Variants in ZNF592 observed in about 807,000 individuals in gnomAD.
The protein encoded by ZNF592 is zinc finger protein 592.
A neutral mutation model predicts 80.3 loss-of-function variants in ZNF592; 11 were observed. The observed-to-expected ratio is 0.14, with a 90% confidence interval of 0.09 to 0.23. The LOEUF is 0.23. Among genes scored for constraint, ZNF592 ranks in the 10% least tolerant of loss-of-function variants. ZNF592 has a pLI of 1.00. For missense variants in ZNF592, 1,420 were observed against 1,633.9 expected (o/e 0.87, Z 2.26); for synonymous variants, 646 against 640.3 (o/e 1.01, Z -0.13).
intron 1 of ZNF592, among the ~76,000 whole-genome samples, chr15:84,751,470 G>A (rs1899011413): frequency 6.6e-6 from 1 of 152,176 alleles, no homozygotes; most frequent in African/African-American, 2.4e-5. Flanking sequence ...TTGTGCCTCA[G>A]TTTGCTCACA....
At position 84,764,694 on chromosome 15, in the gene ZNF592, C is replaced by G; in HGVS notation, c.-258-13C>G. 1 of 398,818 alleles carries G rather than the reference C, an allele frequency of 2.5e-6. No homozygotes were observed. Among genetic ancestry groups the G allele is most frequent in the Non-Finnish European group, 4.4e-6 (1 of 225,982 alleles). The allele number at this position is 398,818 out of a possible 1,614,324, so 24.7% of individuals were successfully genotyped here. A position where few individuals can be genotyped will look rare whatever the true frequency, so the allele number is the denominator to read the frequency against. On this transcript the variant is annotated splice_polypyrimidine_tract_variant and intron_variant, in intron 1 of 10. Coordinates refer to ENST00000560079, the MANE Select transcript of ZNF592 (RefSeq NM_014630.3). The stretch of plus-strand genomic sequence containing the variant: ...CCCACTTAAAAAAAATTTTGTTTTT[C>G]TTCTTTCCTTAGGTGGTGTTTGGAC...
At chr15:84,796,772 G>A (rs1962932610) in intron 5 of ZNF592, among the ~76,000 whole-genome samples, 1 of 151,950 alleles carries the variant, frequency 6.6e-6, no homozygotes, top group Non-Finnish European at 1.5e-5. Context: ...AAAATGAAAA[G>A]TTATCCCCAT....
At position 84,782,853 on chromosome 15, in the gene ZNF592, G is replaced by GC; in HGVS notation, c.183dup (p.Asp62ArgfsTer19). The GC allele has an allele frequency of 6.2e-7, 1 of 1,614,150 alleles. No homozygotes were observed. The highest frequency in any genetic ancestry group is 8.5e-7 in the Non-Finnish European group (1 of 1,180,034). ...TGTGTCCTTGTCTCACTCAGGATCA[G>GC]CCCCCGATGTGCCGGCCGTGAGTGT... is the stretch of plus-strand genomic sequence containing the variant. On this transcript the variant is annotated frameshift_variant, in exon 4 of 11. Transcript: ENST00000560079. LOFTEE classifies it high-confidence loss of function.
chr15:84,785,500 C>T (rs1962564477), intron 4 of ZNF592, among the ~76,000 whole-genome samples: 2 of 152,086 alleles, frequency 1.3e-5, no homozygotes, highest in Non-Finnish European at 1.5e-5. Flanking sequence ...TTAGTAGAGA[C>T]AGGGTTTCAC....
At chr15:84,775,526 G>A (rs1209287471) in intron 2 of ZNF592, among the ~76,000 whole-genome samples, 3 of 152,094 alleles carry the variant, frequency 2.0e-5, no homozygotes, top group African/African-American at 4.8e-5. Flanking sequence ...TCCACCTCCC[G>A]AATTCAAGAG....
chr15:84,762,150 A>T (rs1454591521), intron 1 of ZNF592, among the ~76,000 whole-genome samples: 5 of 152,200 alleles, frequency 3.3e-5, no homozygotes, highest in Non-Finnish European at 5.9e-5. Context: ...GCACTATTCT[A>T]GGCACTGGGA....
chr15:84,800,849 C>T (rs1490680058), intron 10 of ZNF592, among the ~76,000 whole-genome samples: 2 of 152,218 alleles, frequency 1.3e-5, no homozygotes, highest in African/African-American at 4.8e-5. Flanking sequence ...GCACTGTGTG[C>T]AGTAACAAAG....
In ZNF592 at chr15:84,784,328, T is replaced by G. The variant is rs538484581; in HGVS notation, c.1653T>G (p.Ile551Met). ...AGGTGAAAAAGGCTGCCCCACTGATTGTAGAGGTCTTCAACAAGGTCCTTC... is the reference window on the plus strand; with the variant it reads ...AGGTGAAAAAGGCTGCCCCACTGATGGTAGAGGTCTTCAACAAGGTCCTTC... The part of the protein sequence containing the change: ...VHQVKKAAPL[I>M]VEVFNKVLHS... Residue 551 changes from isoleucine (I) to methionine (M), a missense_variant, in exon 4 of 11, where the codon ATT (isoleucine) becomes ATG (methionine). Coordinates refer to ENST00000560079, the MANE Select transcript of ZNF592 (RefSeq NM_014630.3). The surrounding 1 kb of genome is among the most constrained non-coding windows in gnomAD (Gnocchi z 5.8). 3 of 1,614,094 alleles carry G rather than the reference T, an allele frequency of 1.9e-6. No individual in the cohort carries two copies. The highest frequency in any genetic ancestry group is 2.7e-5 in the African/African-American group (2 of 74,930).
In ZNF592 at chr15:84,783,057, G is replaced by C; in HGVS notation, c.382G>C (p.Glu128Gln). Residue 128 changes from glutamate (E) to glutamine (Q), a missense_variant, in exon 4 of 11, where the codon GAG becomes CAG. Transcript: ENST00000560079. The surrounding 1 kb of genome is among the most constrained non-coding windows in gnomAD (Gnocchi z 5.0). ...TGCCAGGAGTTTCCCTGGCAAACTGGAGCCTCCCAAGTCAGAGCCATTACC... is the reference window on the plus strand; with the variant it reads ...TGCCAGGAGTTTCCCTGGCAAACTGCAGCCTCCCAAGTCAGAGCCATTACC... Reference protein sequence around the residue: ...DSARSFPGKLEPPKSEPLPTF... With the variant: ...DSARSFPGKLQPPKSEPLPTF... 6.2e-7 allele frequency: 1 copy of C among 1,614,050 alleles called. No homozygotes were observed.
chr15:84,758,879 T>A (rs1317137531), intron 1 of ZNF592, among the ~76,000 whole-genome samples: 1 of 152,062 alleles, frequency 6.6e-6, no homozygotes, highest in Admixed American at 6.5e-5. Flanking sequence ...TGAGCCGTGA[T>A]TATGCCTCTG....
intron 3 of ZNF592, among the ~76,000 whole-genome samples, chr15:84,778,888 T>G (rs750273414): frequency 2.6e-5 from 4 of 152,186 alleles, no homozygotes; most frequent in Non-Finnish European, 5.9e-5. Flanking sequence ...GTCTGATGAT[T>G]GAATTTCTTT....
intron 1 of ZNF592, among the ~76,000 whole-genome samples, chr15:84,755,530 G>C (rs1328964046): frequency 2.0e-5 from 3 of 151,976 alleles, no homozygotes; most frequent in Non-Finnish European, 2.9e-5. Flanking sequence ...TACATCCCAG[G>C]GCTAACTCAG....
At chr15:84,801,472 C>G (rs1963094128) in intron 10 of ZNF592, among the ~76,000 whole-genome samples, 1 of 152,184 alleles carries the variant, frequency 6.6e-6, no homozygotes, top group Admixed American at 6.5e-5. Flanking sequence ...TGCACTCCAG[C>G]CTGGGCAACA....
In ZNF592 at chr15:84,750,361, T is replaced by G. The variant is rs189908513; in HGVS notation, c.-259+1697T>G. Among the ~76,000 whole-genome samples the G allele has an allele frequency of 1.2e-3, 177 of 152,310 alleles. No homozygotes were observed. In the Middle Eastern group the frequency reaches 0.014, roughly 12 times the overall value. ...CAACAAATATTTGTCAACAAATACGTGTTAGGCATTGTTCTAGATGCAGTG... is the reference window on the plus strand; with the variant it reads ...CAACAAATATTTGTCAACAAATACGGGTTAGGCATTGTTCTAGATGCAGTG... On this transcript the variant is annotated intron_variant, in intron 1 of 10. Transcript: ENST00000560079.
intron 4 of ZNF592, 49 bp from the exon 5 acceptor site, chr15:84,790,656 A>G: frequency 6.2e-7 from 1 of 1,600,126 alleles, no homozygotes; most frequent in East Asian, 2.2e-5. Context: ...TTGGAGAGCC[A>G]CAGGCCTATG....
chr15:84,801,012 A>C (rs1405045132), intron 10 of ZNF592, among the ~76,000 whole-genome samples: 2 of 152,192 alleles, frequency 1.3e-5, no homozygotes, highest in Admixed American at 6.5e-5. Context: ...AAACAAGAAA[A>C]ACACAGGGTG....
intron 3 of ZNF592, among the ~76,000 whole-genome samples, chr15:84,779,536 TAGAG>T (rs958688475): frequency 7.2e-5 from 11 of 152,264 alleles, no homozygotes; most frequent in South Asian, 2.1e-4. Flanking sequence ...TTTTTAAAAA[TAGAG>T]AGAGTCTTAC....
chr15:84,767,608 C>T (rs1899567788), intron 2 of ZNF592, among the ~76,000 whole-genome samples: 1 of 152,062 alleles, frequency 6.6e-6, no homozygotes, highest in Non-Finnish European at 1.5e-5. Flanking sequence ...GTACGGGTTA[C>T]AAAGTATCAG....
rs1567069624 is a variant in ZNF592, at chr15:84,783,508, A to C, written c.833A>C (p.His278Pro). The part of the protein sequence containing the change: ...VPPRQRLKPA[H>P]SKLSSCVAAL... ...CCTAGGCAGCGTCTAAAGCCAGCTC[A>C]TTCCAAGCTGTCCTCTTGTGTGGCA... The change falls in exon 4 of 11, where the codon CAT becomes CCT. Residue 278 changes from histidine to proline, a missense_variant. His to Pro is a moderately conservative substitution (Grantham distance 77). This residue lies in a region of ZNF592 where 373 missense variants were observed against 355.5 expected (regional missense o/e 1.05). Transcript: ENST00000560079. This position sits in a 1 kb window ranked among gnomAD's most constrained non-coding sequence, Gnocchi z 5.0. 1 of 1,614,112 alleles carries C rather than the reference A, an allele frequency of 6.2e-7. No individual in the cohort carries two copies. Among genetic ancestry groups the C allele is most frequent in the African/African-American group, 1.3e-5 (1 of 74,936 alleles).
Sources: gnomAD v4.1 joint callset for allele counts (sites outside exome capture counted in the v4.1 genomes callset) on GRCh38, gnomAD v4.1.1 for gene constraint, gnomAD v4.1.1 regional missense constraint, Gnocchi (gnomAD v3.1) non-coding constraint, MANE v1.5 for transcripts, NCBI Gene and HGNC (gene_info 2026-07-23, HGNC 2026-07-21) for gene names.